FYB1: variants seen among roughly 807,000 people sequenced by gnomAD.
FYB1 encodes the protein FYN-binding protein 1.
FYB1 carries 41 observed loss-of-function variants against 94.1 expected under a neutral mutation model. That is an observed-to-expected ratio of 0.44 (90% confidence interval 0.34 to 0.57). FYB1 has a LOEUF of 0.57. Among genes scored for constraint, FYB1 ranks in the 20% least tolerant of loss-of-function variants. The probability of loss-of-function intolerance (pLI) is 0.02; values close to 1 mark genes in which losing one functional copy is unlikely to be tolerated. For synonymous variants in FYB1, 367 were observed against 353.2 expected (o/e 1.04, Z -0.44); for missense variants, 1,050 against 976.8 (o/e 1.07, Z -1.00).
chr5:39,164,919 G>C (rs1744582847), intron 2 of FYB1, among the ~76,000 whole-genome samples: 1 of 152,190 alleles, frequency 6.6e-6, no homozygotes, highest in African/African-American at 2.4e-5. Flanking sequence ...GAAAGAACTA[G>C]AATTGCCAAC....
intron 2 of FYB1, among the ~76,000 whole-genome samples, chr5:39,172,339 G>A (rs1745323775): frequency 6.6e-6 from 1 of 152,012 alleles, no homozygotes; most frequent in South Asian, 2.1e-4. Context: ...CCAGCTACTT[G>A]GGAGGCTGAG....
intron 1 of FYB1, among the ~76,000 whole-genome samples, chr5:39,210,711 A>G (rs1356877782): frequency 1.3e-5 from 2 of 152,214 alleles, no homozygotes; most frequent in Admixed American, 6.5e-5. Context: ...TGGATAAGGA[A>G]GTTAAATACG....
At chr5:39,134,517 T>G (rs1741487927) in intron 8 of FYB1, among the ~76,000 whole-genome samples, 168 bp from the exon 9 acceptor site, 1 of 152,228 alleles carries the variant, frequency 6.6e-6, no homozygotes, top group African/African-American at 2.4e-5. Flanking sequence ...CTGTACTCTG[T>G]CAAAGTCTAA....
chr5:39,251,854 A>G (rs934416778), intron 1 of FYB1, among the ~76,000 whole-genome samples: 23 of 152,304 alleles, frequency 1.5e-4, no homozygotes, highest in African/African-American at 5.5e-4. Context: ...GTACAAAAAT[A>G]AAATATAGGG....
chr5:39,199,458 C>T (rs545872740), intron 2 of FYB1, among the ~76,000 whole-genome samples: 1 of 152,174 alleles, frequency 6.6e-6, no homozygotes, highest in South Asian at 2.1e-4. Context: ...TGCAAAAGAA[C>T]GCTTTTGGAA....
At chr5:39,109,530 A>G (rs1019699180) in intron 17 of FYB1, among the ~76,000 whole-genome samples, 2 of 152,062 alleles carry the variant, frequency 1.3e-5, no homozygotes, top group African/African-American at 4.8e-5. Context: ...CAGGAGAACA[A>G]AGGTATTATG....
chr5:39,148,760 A>G (rs1442995249), intron 3 of FYB1, among the ~76,000 whole-genome samples: 35 of 152,254 alleles, frequency 2.3e-4, no homozygotes, highest in Admixed American at 9.8e-4. Context: ...TAAACTAACT[A>G]TGAATGACTT....
intron 3 of FYB1, among the ~76,000 whole-genome samples, chr5:39,148,844 C>G (rs140309840): frequency 6.6e-4 from 101 of 152,190 alleles, no homozygotes; most frequent in African/African-American, 2.4e-3. Context: ...TTTATTACAT[C>G]ACTTTTCCTG....
chr5:39,234,642 TA>T (rs1561296641), intron 1 of FYB1, among the ~76,000 whole-genome samples: 1 of 152,054 alleles, frequency 6.6e-6, no homozygotes, highest in Non-Finnish European at 1.5e-5. Flanking sequence ...GGAACCAACC[TA>T]AATGCCCATC....
rs182426632 is a variant in FYB1, at chr5:39,120,701, T to C, written c.2139-1067A>G. Among the ~76,000 whole-genome samples the C allele has an allele frequency of 3.6e-3, 555 of 152,242 alleles. 2 individuals are homozygous for C. Among genetic ancestry groups the C allele is most frequent in the Non-Finnish European group, 6.1e-3 (412 of 68,014 alleles). The stretch of plus-strand genomic sequence containing the variant: ...TTAGTGAGCATTTTAAAAATTAGAA[T>C]ATATTAATTTTTATTTAGATGATCT... On this transcript the variant is annotated intron_variant, in intron 14 of 18. Transcript: ENST00000512982.
rs1246311117 is a variant in FYB1 at position 39,202,664 on chromosome 5, G to C, written c.297C>G (p.Thr99=). The change falls in exon 2 of 19, where the codon ACC becomes ACG. Residue 99 remains threonine (T), a synonymous_variant. Coordinates refer to ENST00000512982, the MANE Select transcript of FYB1 (RefSeq NM_001465.6). ...CCACTTTCGCCTCGGGGTCTCTGGTGGTCAAGCTGGCTGGTGTTCCGAATC... is the reference window on the plus strand; with the variant it reads ...CCACTTTCGCCTCGGGGTCTCTGGTCGTCAAGCTGGCTGGTGTTCCGAATC... ...GQRFGTPASL[T]TRDPEAKVGF... 6.2e-7 allele frequency: 1 copy of C among 1,613,882 alleles called. No individual in the cohort carries two copies. The highest frequency in any genetic ancestry group is 1.3e-5 in the African/African-American group (1 of 75,002).
intron 1 of FYB1, among the ~76,000 whole-genome samples, chr5:39,242,789 T>C (rs1020312151): frequency 5.3e-5 from 8 of 152,210 alleles, no homozygotes; most frequent in African/African-American, 1.9e-4. Context: ...CTCCACATCC[T>C]CTCCAGCACC....
chr5:39,139,287 G>T, intron 4 of FYB1, 35 bp from the exon 5 acceptor site: 2 of 1,396,884 alleles, frequency 1.4e-6, no homozygotes, highest in Non-Finnish European at 1.9e-6. Context: ...TAATACATTT[G>T]TAATAAGGAA....
intron 9 of FYB1, among the ~76,000 whole-genome samples, chr5:39,131,507 A>G (rs540215764): frequency 6.6e-6 from 1 of 152,348 alleles, no homozygotes; most frequent in East Asian, 1.9e-4. Context: ...TAACGTTAAA[A>G]GTGGGTGAAA....
In FYB1 at chr5:39,106,278, T is replaced by C. The variant is rs1250434316; in HGVS notation, c.*1165A>G. ...TGGTTCATTAGTAGAAGAGCCAGCA[T>C]TATGATGTACTCATTTTGTACTCTA... On this transcript the variant is annotated 3_prime_UTR_variant, in exon 19 of 19. Transcript: ENST00000512982. 3 of 152,172 alleles carry C rather than the reference T, an allele frequency of 2.0e-5. No individual in the cohort carries two copies. Among genetic ancestry groups the C allele is most frequent in the Non-Finnish European group, 4.4e-5 (3 of 68,016 alleles). 9.4% of individuals were successfully genotyped at this position (152,172 alleles called of 1,614,324 possible).
Position 39,199,578 on chromosome 5 carries a change from A to C in FYB1, c.1135+2248T>G, listed in dbSNP as rs118144242. Among the ~76,000 whole-genome samples, 1,133 of 152,250 alleles carry C rather than the reference A, an allele frequency of 7.4e-3. 41 individuals are homozygous for C. Among genetic ancestry groups the C allele is most frequent in the Admixed American group, 0.051 (779 of 15,280 alleles). ...ATTAAAATGTGGAAAGATATACAGGATTTATTTATTTTAAAAATACAAGGA... is the reference window on the plus strand; with the variant it reads ...ATTAAAATGTGGAAAGATATACAGGCTTTATTTATTTTAAAAATACAAGGA... On this transcript the variant is annotated intron_variant, in intron 2 of 18. Transcript: ENST00000512982.
intron 1 of FYB1, among the ~76,000 whole-genome samples, chr5:39,215,031 A>G (rs556700548): frequency 3.9e-5 from 6 of 152,264 alleles, no homozygotes; most frequent in Non-Finnish European, 8.8e-5. Flanking sequence ...TGGAGGGAGG[A>G]GGGAACAGGC....
chr5:39,147,126 C>A (rs2150345085), intron 3 of FYB1, among the ~76,000 whole-genome samples: 1 of 152,076 alleles, frequency 6.6e-6, no homozygotes, highest in East Asian at 1.9e-4. Flanking sequence ...TCAATAAGGC[C>A]TCTCACTATA....
intron 2 of FYB1, among the ~76,000 whole-genome samples, chr5:39,162,205 A>G (rs1218636621): frequency 6.6e-6 from 1 of 152,208 alleles, no homozygotes; most frequent in Non-Finnish European, 1.5e-5. Context: ...TACCAAGAGT[A>G]GAATTGCTAG....
Sources: allele counts gnomAD v4.1 joint callset (sites outside exome capture counted in the v4.1 genomes callset), GRCh38; gene constraint gnomAD v4.1.1; transcripts MANE v1.5; gene names NCBI Gene and HGNC (gene_info 2026-07-23, HGNC 2026-07-21).